Variants in CNOT6 observed in about 807,000 individuals in gnomAD.
The protein encoded by CNOT6 is carbon catabolite repression 4 protein.
A neutral mutation model predicts 61.2 loss-of-function variants in CNOT6; 12 were observed. The ratio of observed to expected loss-of-function variants is 0.20; its 90% CI spans 0.13 to 0.32. CNOT6 has a LOEUF of 0.32. CNOT6 is among the 10% of genes least tolerant of loss of function. CNOT6 has a pLI of 1.00. For missense variants in CNOT6, 405 were observed against 663.9 expected (o/e 0.61, Z 4.28); for synonymous variants, 225 against 240.6 (o/e 0.94, Z 0.60).
At chr5:180,500,997 T>C (rs1272649121) in intron 1 of CNOT6, among the ~76,000 whole-genome samples, 1 of 152,128 alleles carries the variant, frequency 6.6e-6, no homozygotes, top group Non-Finnish European at 1.5e-5. Flanking sequence ...CAACATGGGC[T>C]GTGGAGCATA....
intron 1 of CNOT6, among the ~76,000 whole-genome samples, chr5:180,512,787 A>G (rs1183739035): frequency 6.6e-6 from 1 of 152,044 alleles, no homozygotes; most frequent in Non-Finnish European, 1.5e-5. Context: ...TAGTAGAGAC[A>G]GGGTTTCTCC....
intron 1 of CNOT6, among the ~76,000 whole-genome samples, chr5:180,517,367 T>A (rs1306054990): frequency 2.0e-5 from 3 of 152,110 alleles, no homozygotes; most frequent in Non-Finnish European, 4.4e-5. Context: ...GGGCTCAAGC[T>A]ATCTGCTCAC....
chr5:180,558,510 T>TAAA (rs71591502), intron 4 of CNOT6, among the ~76,000 whole-genome samples: 33,748 of 139,136 alleles, frequency 0.24, 5,036 homozygotes, highest in Middle Eastern at 0.38. Context: ...AGAAACACCT[T>TAAA]AAAAAAAAAA....
At chr5:180,518,989 G>A (rs963795909) in intron 1 of CNOT6, among the ~76,000 whole-genome samples, 1 of 152,216 alleles carries the variant, frequency 6.6e-6, no homozygotes, top group African/African-American at 2.4e-5. Context: ...TGGGATTACA[G>A]GCGTGAGCCA....
intron 1 of CNOT6, among the ~76,000 whole-genome samples, chr5:180,514,527 C>T (rs1398625252): frequency 1.3e-5 from 2 of 152,074 alleles, no homozygotes; most frequent in Admixed American, 6.6e-5. Context: ...AGTTGTAATC[C>T]TAAAAGCATA....
chr5:180,517,872 T>G (rs1449906370), intron 1 of CNOT6, among the ~76,000 whole-genome samples: 4 of 152,210 alleles, frequency 2.6e-5, no homozygotes, highest in Non-Finnish European at 5.9e-5. Flanking sequence ...GAGGGCTGTT[T>G]GATTACACTG....
chr5:180,509,835 T>G (rs1476012440), intron 1 of CNOT6, among the ~76,000 whole-genome samples: 2 of 151,316 alleles, frequency 1.3e-5, no homozygotes, highest in Non-Finnish European at 1.5e-5. Flanking sequence ...GGTGTTTTTT[T>G]TTTTTTTTTT....
chr5:180,549,703 A>T (rs1470686401), intron 2 of CNOT6, among the ~76,000 whole-genome samples: 2 of 152,188 alleles, frequency 1.3e-5, no homozygotes, highest in Non-Finnish European at 2.9e-5. Context: ...ATGCACTCTA[A>T]GTAGTATTGG....
chr5:180,565,789 G>A (rs1382561325), intron 6 of CNOT6, 31 bp from the exon 7 acceptor site: 2 of 1,535,566 alleles, frequency 1.3e-6, no homozygotes, highest in Admixed American at 4.1e-5. Context: ...TCTGCCACAT[G>A]TGTGAATAAG....
chr5:180,569,531 A>C (rs945590245), intron 10 of CNOT6, among the ~76,000 whole-genome samples, 191 bp downstream of exon 10: 1 of 149,812 alleles, frequency 6.7e-6, no homozygotes, highest in Non-Finnish European at 1.5e-5. Context: ...TGGAAACTTG[A>C]GGAGAAGGAT....
At chr5:180,564,075 G>C (rs1199376988) in intron 4 of CNOT6, among the ~76,000 whole-genome samples, 1 of 152,146 alleles carries the variant, frequency 6.6e-6, no homozygotes, top group Non-Finnish European at 1.5e-5. Context: ...TGACATTGTA[G>C]AGTTTTGATT....
At chr5:180,563,205 T>C (rs1760271811) in intron 4 of CNOT6, among the ~76,000 whole-genome samples, 1 of 148,658 alleles carries the variant, frequency 6.7e-6, no homozygotes, top group Non-Finnish European at 1.5e-5. Context: ...GGCCTTGGCC[T>C]TTCCTGTTAA....
intron 2 of CNOT6, among the ~76,000 whole-genome samples, chr5:180,532,950 C>T (rs991160802): frequency 6.6e-6 from 1 of 152,174 alleles, no homozygotes; most frequent in African/African-American, 2.4e-5. Flanking sequence ...GGCACACCAC[C>T]CTTCAGGAGG....
intron 1 of CNOT6, among the ~76,000 whole-genome samples, chr5:180,511,612 A>G (rs1757399246): frequency 6.6e-6 from 1 of 151,620 alleles, no homozygotes; most frequent in South Asian, 2.1e-4. Context: ...CTTTGTCTCA[A>G]AAAAAAAGCT....
chr5:180,564,028 G>A (rs1393175302), intron 4 of CNOT6, among the ~76,000 whole-genome samples: 1 of 152,170 alleles, frequency 6.6e-6, no homozygotes, highest in African/African-American at 2.4e-5. Context: ...AAGTGCAAGT[G>A]TATATTTGTC....
At chr5:180,526,367 A>G (rs1384876546) in intron 1 of CNOT6, among the ~76,000 whole-genome samples, 1 of 152,178 alleles carries the variant, frequency 6.6e-6, no homozygotes, top group Non-Finnish European at 1.5e-5. Flanking sequence ...TTGCCAGAGT[A>G]ATGTCCTTGA....
intron 2 of CNOT6, among the ~76,000 whole-genome samples, chr5:180,545,787 T>A (rs1374578406): frequency 6.6e-6 from 1 of 152,218 alleles, no homozygotes; most frequent in African/African-American, 2.4e-5. Context: ...TGCAAAGATG[T>A]CTTGTTTCAT....
intron 1 of CNOT6, among the ~76,000 whole-genome samples, chr5:180,500,441 C>CTTTTTT (rs35457190): frequency 2.4e-5 from 3 of 126,638 alleles, no homozygotes; most frequent in Non-Finnish European, 5.3e-5. Flanking sequence ...CTTTTCTTTT[C>CTTTTTT]TTTTTTTTTT....
Position 180,564,611 on chromosome 5 carries a change from T to G in CNOT6, c.490+18T>G, listed in dbSNP as rs1273229531. 11 of 1,610,144 alleles carry G rather than the reference T, an allele frequency of 6.8e-6. No homozygotes were observed. The highest frequency in any genetic ancestry group is 9.4e-6 in the Non-Finnish European group (11 of 1,176,420). On this transcript the variant is annotated intron_variant, in intron 5 of 11. Transcript: ENST00000261951. ...AAAAAGAAGTAAGTGGTTATTTGTT[T>G]AAACCTTTTTATTAGGAAGACGTGT... is the stretch of plus-strand genomic sequence containing the variant.
Sources: gnomAD v4.1 joint callset for allele counts (sites outside exome capture counted in the v4.1 genomes callset) on GRCh38, gnomAD v4.1.1 for gene constraint, MANE v1.5 for transcripts, NCBI Gene and HGNC (gene_info 2026-07-23, HGNC 2026-07-21) for gene names.